The following METTL21C variants were observed in gnomAD, a reference collection of about 807,000 sequenced individuals.
METTL21C encodes protein-lysine methyltransferase METTL21C.
In METTL21C, 21 loss-of-function variants were observed where a neutral mutation model predicts 25.9. The ratio of observed to expected loss-of-function variants is 0.81; its 90% confidence interval spans 0.58 to 1.17. The LOEUF (loss-of-function observed/expected upper bound fraction) is 1.17, where lower values mean the gene tolerates loss of function less well. Among genes scored for constraint, METTL21C ranks in the 50% most tolerant of loss-of-function variants. METTL21C has a pLI of 0.00. For synonymous variants in METTL21C, 125 were observed against 124.7 expected, an observed-to-expected ratio of 1.00 and a Z score of -0.01; for missense variants, 312 against 315.1, an observed-to-expected ratio of 0.99 and a Z score of 0.07.
At chr13:102,702,924 A>C in the METTL21C span, among the ~76,000 whole-genome samples, 1 of 152,196 alleles carries the variant, frequency 6.6e-6, no homozygotes, top group African/African-American at 2.4e-5. Flanking sequence ...GAACAACAAA[A>C]ATTTAGAAAG....
chr13:102,703,285 T>C, the METTL21C span, among the ~76,000 whole-genome samples: 2 of 152,350 alleles, frequency 1.3e-5, no homozygotes, highest in South Asian at 4.1e-4. Flanking sequence ...GCTTAGTCAA[T>C]GGGCAGCTGG....
At chr13:102,693,740 G>C (rs1471851228) in intron 1 of METTL21C, among the ~76,000 whole-genome samples, 1 of 152,176 alleles carries the variant, frequency 6.6e-6, no homozygotes, top group Non-Finnish European at 1.5e-5. Context: ...TATTCTGATA[G>C]TTTTAGAGAG....
chr13:102,687,956 G>C (rs1240594561), intron 2 of METTL21C, among the ~76,000 whole-genome samples: 3 of 152,152 alleles, frequency 2.0e-5, no homozygotes, highest in Non-Finnish European at 4.4e-5. Context: ...TACGTGTATG[G>C]CAATGAGGCA....
the METTL21C span, among the ~76,000 whole-genome samples, chr13:102,702,218 G>C: frequency 1.4e-5 from 2 of 144,608 alleles, no homozygotes; most frequent in Non-Finnish European, 2.9e-5. Flanking sequence ...TAGAGAGAGA[G>C]AGAGAGAGAC....
the METTL21C span, among the ~76,000 whole-genome samples, chr13:102,700,564 G>A: frequency 0.14 from 20,863 of 152,212 alleles, 1,424 homozygotes; most frequent in South Asian, 0.21. Context: ...ACGGAGGAAC[G>A]CTGTGCTTGG....
chr13:102,687,803 A>C (rs1430668963), intron 2 of METTL21C, among the ~76,000 whole-genome samples: 2 of 152,208 alleles, frequency 1.3e-5, no homozygotes, highest in African/African-American at 2.4e-5. Flanking sequence ...TAAATGTTTT[A>C]TATATCAACA....
chr13:102,687,671 G>A (rs80292236), intron 2 of METTL21C, among the ~76,000 whole-genome samples: 1 of 152,322 alleles, frequency 6.6e-6, no homozygotes, highest in East Asian at 1.9e-4. Context: ...TGTTAAAGAT[G>A]CAGATCCTCA....
upstream of METTL21C, among the ~76,000 whole-genome samples, chr13:102,697,944 G>T (rs545204113): frequency 2.6e-5 from 4 of 152,092 alleles, no homozygotes; most frequent in Non-Finnish European, 5.9e-5. Flanking sequence ...AGAGAGCTCC[G>T]GTGGTATTTT....
At chr13:102,701,262 C>G in the METTL21C span, among the ~76,000 whole-genome samples, 10 of 152,066 alleles carry the variant, frequency 6.6e-5, no homozygotes, top group Non-Finnish European at 1.3e-4. Flanking sequence ...AGCCCTCCCC[C>G]TTTCCAAATA....
chr13:102,691,348 CTTTT>C (rs11342787), intron 1 of METTL21C, among the ~76,000 whole-genome samples: 3 of 144,998 alleles, frequency 2.1e-5, no homozygotes, highest in Admixed American at 1.4e-4. Context: ...ACAAACCTGC[CTTTT>C]TTTTTTTTTC....
At chr13:102,700,505 T>C in the METTL21C span, among the ~76,000 whole-genome samples, 7 of 152,182 alleles carry the variant, frequency 4.6e-5, no homozygotes, top group East Asian at 9.6e-4. Flanking sequence ...GTTATCAAAA[T>C]AGCCAAGAAT....
At chr13:102,688,729 G>C (rs1248709906) in intron 2 of METTL21C, among the ~76,000 whole-genome samples, 1 of 152,222 alleles carries the variant, frequency 6.6e-6, no homozygotes, top group Non-Finnish European at 1.5e-5. Flanking sequence ...CATTCAGAGG[G>C]CAGCTCTGAG....
intron 1 of METTL21C, among the ~76,000 whole-genome samples, chr13:102,691,409 G>C (rs536090762): frequency 1.7e-4 from 26 of 151,880 alleles, no homozygotes; most frequent in Non-Finnish European, 7.4e-5. Context: ...GAGTGCAGTG[G>C]TGTAATCTCA....
At chr13:102,698,315 G>A (rs1885978755), upstream of METTL21C, among the ~76,000 whole-genome samples, 1 of 152,100 alleles carries the variant, frequency 6.6e-6, no homozygotes, top group Non-Finnish European at 1.5e-5. Context: ...GGGAGGGAGA[G>A]AAATGAGACT....
At chr13:102,700,207 C>T in the METTL21C span, among the ~76,000 whole-genome samples, 3 of 152,162 alleles carry the variant, frequency 2.0e-5, no homozygotes, top group Admixed American at 1.3e-4. Flanking sequence ...TAGCACATGC[C>T]TGTCCCTAAG....
chr13:102,695,483 G>A (rs1885932932), upstream of METTL21C, among the ~76,000 whole-genome samples: 2 of 152,152 alleles, frequency 1.3e-5, no homozygotes, highest in African/African-American at 4.8e-5. Context: ...CAGACAAATG[G>A]GAATTAAAGA....
At chr13:102,699,938 A>G (rs1035516776), upstream of METTL21C, among the ~76,000 whole-genome samples, 3 of 152,200 alleles carry the variant, frequency 2.0e-5, no homozygotes, top group Admixed American at 6.5e-5. Flanking sequence ...GGATTTTAAG[A>G]CAGGATTCTT....
chr13:102,702,212 G>T, the METTL21C span, among the ~76,000 whole-genome samples: 5,864 of 147,290 alleles, frequency 0.04, 389 homozygotes, highest in African/African-American at 0.14. Context: ...TATATGTAGA[G>T]AGAGAGAGAG....
chr13:102,692,053 G>A (rs763901860), intron 1 of METTL21C, among the ~76,000 whole-genome samples: 12 of 152,154 alleles, frequency 7.9e-5, no homozygotes, highest in Non-Finnish European at 1.8e-4. Flanking sequence ...AGAGTAGGGG[G>A]GAGGAAGGTC....
Sources: gnomAD v4.1 joint callset for allele counts (sites outside exome capture counted in the v4.1 genomes callset) on GRCh38, gnomAD v4.1.1 for gene constraint, MANE v1.5 for transcripts, NCBI Gene and HGNC (gene_info 2026-07-23, HGNC 2026-07-21) for gene names.